The following TBL1XR1 variants were observed in gnomAD, a reference collection of about 807,000 sequenced individuals.
The protein encoded by TBL1XR1 is TBL1X/Y related 1.
TBL1XR1 carries 5 observed loss-of-function variants against 66.9 expected under a neutral mutation model. The observed-to-expected ratio is 0.07, with a 90% confidence interval of 0.04 to 0.16. The LOEUF is 0.16. TBL1XR1 is among the 10% of genes least tolerant of loss of function. The pLI, the probability that TBL1XR1 is intolerant of heterozygous loss-of-function variation, is 1.00. For synonymous variants in TBL1XR1, 210 were observed against 206.0 expected (o/e 1.02, Z -0.17); for missense variants, 238 against 623.2 (o/e 0.38, Z 6.58).
chr3:177,173,327 A>C (rs1184358425), intron 1 of TBL1XR1, among the ~76,000 whole-genome samples: 2 of 152,224 alleles, frequency 1.3e-5, no homozygotes, highest in East Asian at 3.8e-4. Flanking sequence ...CTAGATTAGT[A>C]GACTCACTTC....
chr3:177,134,742 C>T (rs1728696911), intron 1 of TBL1XR1, among the ~76,000 whole-genome samples: 1 of 152,180 alleles, frequency 6.6e-6, no homozygotes, highest in African/African-American at 2.4e-5. Flanking sequence ...ATACCTCTTA[C>T]ATACTCTACT....
chr3:177,184,018 G>A (rs1285840454), intron 1 of TBL1XR1, among the ~76,000 whole-genome samples: 1 of 152,032 alleles, frequency 6.6e-6, no homozygotes, highest in Non-Finnish European at 1.5e-5. Context: ...TGCCCTCAAA[G>A]GAAGGCTAGT....
At chr3:177,044,903 C>T (rs575589967) in intron 10 of TBL1XR1, 52 of 151,922 alleles carry the variant, frequency 3.4e-4, no homozygotes, top group African/African-American at 1.1e-3. Context: ...CTAGGATGTA[C>T]GAGAAATTAG....
chr3:177,201,435 A>C (rs1470720015), upstream of TBL1XR1, among the ~76,000 whole-genome samples: 1 of 151,010 alleles, frequency 6.6e-6, no homozygotes, highest in African/African-American at 2.5e-5. Context: ...AAAAAAAAAA[A>C]ACAAATCCTG....
At chr3:177,082,738 TTATATATATATATATATATA>T (rs374510003) in intron 2 of TBL1XR1, among the ~76,000 whole-genome samples, 1 of 63,234 alleles carries the variant, frequency 1.6e-5, no homozygotes, top group African/African-American at 6.4e-5. Context: ...AAGATAGAGA[TTATATATATATATATATATA>T]TATATATATG....
At chr3:177,178,847 G>A (rs573014693) in intron 1 of TBL1XR1, among the ~76,000 whole-genome samples, 1 of 152,276 alleles carries the variant, frequency 6.6e-6, no homozygotes, top group South Asian at 2.1e-4. Flanking sequence ...GTCAGGCGCA[G>A]TGGTTCACGC....
chr3:177,065,871 C>T (rs1056323245), intron 2 of TBL1XR1, among the ~76,000 whole-genome samples: 1 of 152,180 alleles, frequency 6.6e-6, no homozygotes, highest in Non-Finnish European at 1.5e-5. Context: ...TTCCAATAAA[C>T]TCAACTTATG....
At chr3:177,147,276 T>C (rs1730367153) in intron 1 of TBL1XR1, among the ~76,000 whole-genome samples, 1 of 152,086 alleles carries the variant, frequency 6.6e-6, no homozygotes, top group African/African-American at 2.4e-5. Context: ...CTCAAACTCC[T>C]GTGCTCAAGC....
chr3:177,144,643 A>G (rs1165838741), intron 1 of TBL1XR1, among the ~76,000 whole-genome samples: 2 of 151,658 alleles, frequency 1.3e-5, no homozygotes, highest in Non-Finnish European at 2.9e-5. Flanking sequence ...AGTTCCAGCT[A>G]CTCAGAGGCT....
chr3:177,042,877 A>G (rs16827744), intron 10 of TBL1XR1, among the ~76,000 whole-genome samples: 36,248 of 151,954 alleles, frequency 0.24, 4,630 homozygotes, highest in East Asian at 0.5. Context: ...TGAACCTATG[A>G]GCGAAGAAGG....
At chr3:177,047,272 G>C (rs112738212) in intron 9 of TBL1XR1, 28 bp downstream of exon 9, 1 of 1,508,218 alleles carries the variant, frequency 6.6e-7, no homozygotes, top group Admixed American at 2.1e-5. Flanking sequence ...TAATACATTT[G>C]CCTTTACAGA....
At chr3:177,025,980 C>T (rs1286785172) in intron 15 of TBL1XR1, 3 of 277,718 alleles carry the variant, frequency 1.1e-5, no homozygotes, top group East Asian at 1.1e-4. Flanking sequence ...CAGTATCACA[C>T]ATTCCTCAAC....
chr3:177,109,629 A>G (rs920154667), intron 1 of TBL1XR1, among the ~76,000 whole-genome samples: 2 of 152,160 alleles, frequency 1.3e-5, no homozygotes, highest in African/African-American at 4.8e-5. Flanking sequence ...AAACTTACTA[A>G]AATACATCAG....
At chr3:177,117,552 A>C (rs1416491798) in intron 1 of TBL1XR1, among the ~76,000 whole-genome samples, 1 of 152,192 alleles carries the variant, frequency 6.6e-6, no homozygotes, top group East Asian at 1.9e-4. Flanking sequence ...GTAGTTCCTT[A>C]TAGGCAGCAT....
intron 2 of TBL1XR1, among the ~76,000 whole-genome samples, chr3:177,072,378 G>A (rs145828599): frequency 1.3e-5 from 2 of 151,830 alleles, no homozygotes; most frequent in Non-Finnish European, 1.5e-5. Flanking sequence ...GTTACAAAGC[G>A]ATAGTGGGTA....
chr3:177,169,142 T>C (rs553808760), intron 1 of TBL1XR1, among the ~76,000 whole-genome samples: 55 of 152,310 alleles, frequency 3.6e-4, no homozygotes, highest in Admixed American at 3.4e-3. Flanking sequence ...ATGTTGTTCA[T>C]TAATCAATAG....
chr3:177,053,136 C>T (rs1717327851), intron 4 of TBL1XR1, among the ~76,000 whole-genome samples: 1 of 152,112 alleles, frequency 6.6e-6, no homozygotes, highest in South Asian at 2.1e-4. Flanking sequence ...ACAAAAACAA[C>T]ATTTTAAACT....
intron 1 of TBL1XR1, among the ~76,000 whole-genome samples, chr3:177,177,407 G>A (rs1417999959): frequency 6.6e-6 from 1 of 151,988 alleles, no homozygotes; most frequent in Non-Finnish European, 1.5e-5. Flanking sequence ...CCGAGATTGC[G>A]CCACTGCACT....
At chr3:177,067,620 G>A (rs1719336303) in intron 2 of TBL1XR1, among the ~76,000 whole-genome samples, 1 of 151,998 alleles carries the variant, frequency 6.6e-6, no homozygotes, top group Non-Finnish European at 1.5e-5. Flanking sequence ...TACCAAATAA[G>A]AGCAGGAAAG....
Sources: allele counts gnomAD v4.1 joint callset (sites outside exome capture counted in the v4.1 genomes callset), GRCh38; gene constraint gnomAD v4.1.1; transcripts MANE v1.5; gene names NCBI Gene and HGNC (gene_info 2026-07-23, HGNC 2026-07-21).